Variants in PPP3CB observed in about 807,000 individuals in gnomAD.
PPP3CB encodes the protein serine/threonine-protein phosphatase 2B catalytic subunit beta isoform.
Under a neutral mutation model 66.4 loss-of-function variants are expected in PPP3CB, and 8 were observed. The observed-to-expected ratio is 0.12, with a 90% CI of 0.07 to 0.22. The LOEUF (loss-of-function observed/expected upper bound fraction) is 0.22, where lower values mean the gene tolerates loss of function less well. Among genes scored for constraint, PPP3CB ranks in the 10% least tolerant of loss-of-function variants. PPP3CB has a pLI of 1.00. For synonymous variants in PPP3CB, 208 were observed against 221.2 expected (o/e 0.94, Z 0.53); for missense variants, 319 against 642.5 (o/e 0.50, Z 5.44).
At chr10:73,482,053 A>T (rs1395275921) in intron 1 of PPP3CB, among the ~76,000 whole-genome samples, 1 of 152,214 alleles carries the variant, frequency 6.6e-6, no homozygotes, top group Non-Finnish European at 1.5e-5. Context: ...GTAATTGTTT[A>T]AAAAATAAAC....
intron 1 of PPP3CB, among the ~76,000 whole-genome samples, chr10:73,490,819 A>C (rs2057060339): frequency 6.6e-6 from 1 of 151,578 alleles, no homozygotes; most frequent in Admixed American, 6.6e-5. Flanking sequence ...ATGGTACTGA[A>C]GATTTATTTT....
intron 9 of PPP3CB, among the ~76,000 whole-genome samples, chr10:73,463,518 T>G (rs2056565825): frequency 6.6e-6 from 1 of 152,220 alleles, no homozygotes; most frequent in Non-Finnish European, 1.5e-5. Context: ...ACCTATGATT[T>G]CTTGCTTTCA....
chr10:73,441,436 C>A (rs923381316), intron 12 of PPP3CB, among the ~76,000 whole-genome samples: 1 of 152,000 alleles, frequency 6.6e-6, no homozygotes, highest in Non-Finnish European at 1.5e-5. Context: ...TCATCTCCCC[C>A]CAAAAAAAGT....
intron 11 of PPP3CB, 73 bp downstream of exon 11, chr10:73,446,419 G>A (rs940984352): frequency 1.6e-5 from 23 of 1,460,624 alleles, no homozygotes; most frequent in African/African-American, 1.1e-4. Context: ...TTTTAGATGC[G>A]GGACAATGCT....
chr10:73,480,816 C>T (rs1378923076), intron 1 of PPP3CB, among the ~76,000 whole-genome samples: 3 of 152,084 alleles, frequency 2.0e-5, no homozygotes, highest in African/African-American at 7.2e-5. Flanking sequence ...CTCCGCAGTA[C>T]ATATTTATGA....
Position 73,473,555 on chromosome 10 carries a change from T to C in PPP3CB, c.523+1364A>G, listed in dbSNP as rs529885035. Among the ~76,000 whole-genome samples, 177 of 151,998 alleles carry C rather than the reference T, an allele frequency of 1.2e-3. 2 individuals carry two copies. The highest frequency in any genetic ancestry group is 4.2e-3 in the African/African-American group (174 of 41,454). On this transcript the variant is annotated intron_variant, in intron 4 of 13. Transcript: ENST00000360663. ...CTGTAATTTCAGCTACTTGGGAGGC[T>C]AAGGCAGGAGAATACTTGAACCCGG... is the stretch of plus-strand genomic sequence containing the variant.
chr10:73,485,319 G>C (rs2056953739), intron 1 of PPP3CB, among the ~76,000 whole-genome samples: 1 of 152,264 alleles, frequency 6.6e-6, no homozygotes. Context: ...AACACAGACT[G>C]ATCAGGAATT....
intron 12 of PPP3CB, among the ~76,000 whole-genome samples, chr10:73,442,183 G>A (rs1215390878): frequency 6.6e-6 from 1 of 152,016 alleles, no homozygotes; most frequent in Non-Finnish European, 1.5e-5. Context: ...TAGTTTAAGG[G>A]GTCCCAAATT....
At chr10:73,457,854 A>T (rs1392272356) in intron 9 of PPP3CB, among the ~76,000 whole-genome samples, 1 of 152,184 alleles carries the variant, frequency 6.6e-6, no homozygotes, top group East Asian at 1.9e-4. Context: ...CAACTCAATA[A>T]TTATCTCCCA....
intron 9 of PPP3CB, among the ~76,000 whole-genome samples, chr10:73,455,399 C>T (rs915837239): frequency 4.6e-5 from 7 of 152,116 alleles, no homozygotes; most frequent in African/African-American, 1.7e-4. Flanking sequence ...TTTGGATATC[C>T]TCAAGATTCT....
rs1180324222 is a variant in PPP3CB, at chr10:73,471,679, A to AT, written c.524-67dup. The AT allele has an allele frequency of 3.2e-6, 4 of 1,257,432 alleles. No individual in the cohort carries two copies. The Admixed American group carries it at 9.6e-5, about 30-fold the overall frequency. The allele number at this position is 1,257,432 out of a possible 1,614,324, so 77.9% of individuals were successfully genotyped here. A position where few individuals can be genotyped will look rare whatever the true frequency, so the allele number is the denominator to read the frequency against. On this transcript the variant is annotated intron_variant, in intron 4 of 13. Transcript: ENST00000360663. ...GGTGGTGTGACCATTTTAAAAACAT[A>AT]TATATTAGATTTTTATTTCTTGTTC...
chr10:73,468,285 T>C (rs895657797), intron 8 of PPP3CB, among the ~76,000 whole-genome samples: 5 of 152,174 alleles, frequency 3.3e-5, no homozygotes, highest in African/African-American at 9.6e-5. Flanking sequence ...GAGAATATTA[T>C]AACCAAACAA....
chr10:73,471,223 A>C lies in PPP3CB; in HGVS notation c.670-14T>G. On this transcript the variant is annotated splice_polypyrimidine_tract_variant and intron_variant, in intron 5 of 13. Coordinates refer to ENST00000360663, the MANE Select transcript of PPP3CB (RefSeq NM_021132.4). ...GAATCTATCTAACTGTGAAAGAAAG[A>C]AAAGAAAGAACAGAAGTAACTCATC... 6.3e-7 allele frequency: 1 copy of C among 1,577,222 alleles called. No homozygotes were observed. Among genetic ancestry groups the C allele is most frequent in the Non-Finnish European group, 8.6e-7 (1 of 1,160,018 alleles).
At chr10:73,485,885 C>A (rs1238394358) in intron 1 of PPP3CB, among the ~76,000 whole-genome samples, 6 of 150,658 alleles carry the variant, frequency 4.0e-5, no homozygotes, top group African/African-American at 1.5e-4. Flanking sequence ...AGACTACAGG[C>A]ACACACCACC....
intron 1 of PPP3CB, among the ~76,000 whole-genome samples, chr10:73,494,620 C>T (rs1352579830): frequency 6.7e-6 from 1 of 149,884 alleles, no homozygotes; most frequent in East Asian, 1.9e-4. Context: ...TTTTAAGAAC[C>T]GAAGAAGGCT....
chr10:73,467,548 T>C lies in PPP3CB; in HGVS notation c.1108+5A>G. ...ACAAATTTTTTTTAAAAATAAAAATTATACCTTTTTCTCCAACAAACGGTA... is the reference window on the plus strand; with the variant it reads ...ACAAATTTTTTTTAAAAATAAAAATCATACCTTTTTCTCCAACAAACGGTA... On this transcript the variant is annotated splice_donor_5th_base_variant and intron_variant, in intron 9 of 13. Coordinates refer to ENST00000360663, the MANE Select transcript of PPP3CB (RefSeq NM_021132.4). 1 of 1,506,424 alleles carries C rather than the reference T, an allele frequency of 6.6e-7. No homozygotes were observed. Among genetic ancestry groups the C allele is most frequent in the East Asian group, 2.5e-5 (1 of 40,214 alleles). The allele number at this position is 1,506,424 out of a possible 1,614,324, so 93.3% of individuals were successfully genotyped here.
chr10:73,453,432 A>T lies in PPP3CB; in HGVS notation c.1186+980T>A, dbSNP rs78351335. Among the ~76,000 whole-genome samples the T allele has an allele frequency of 1.8e-3, 275 of 152,108 alleles. 1 individual carries two copies. Among genetic ancestry groups the T allele is most frequent in the South Asian group, 6.0e-3 (29 of 4,822 alleles). On this transcript the variant is annotated intron_variant, in intron 10 of 13. Transcript: ENST00000360663. ...CGTGTGTGTGTGTGTGTATATATAT[A>T]TTTTTTTAATACAGACAAGGAAATC... is the stretch of plus-strand genomic sequence containing the variant.
chr10:73,470,853 G>T, intron 7 of PPP3CB, 34 bp downstream of exon 7: 1 of 1,591,330 alleles, frequency 6.3e-7, no homozygotes, highest in East Asian at 2.2e-5. Context: ...TATATTTTAG[G>T]TGTTAATTTG....
At chr10:73,484,524 G>A (rs56114079) in intron 1 of PPP3CB, among the ~76,000 whole-genome samples, 3 of 151,270 alleles carry the variant, frequency 2.0e-5, no homozygotes, top group Non-Finnish European at 4.4e-5. Context: ...GCCCGCCTCG[G>A]CCTCCCAAAG....
Sources: allele counts gnomAD v4.1 joint callset (sites outside exome capture counted in the v4.1 genomes callset), GRCh38; gene constraint gnomAD v4.1.1; transcripts MANE v1.5; gene names NCBI Gene and HGNC (gene_info 2026-07-23, HGNC 2026-07-21).